The following INPP4B variants were observed in gnomAD, a reference collection of about 807,000 sequenced individuals.
INPP4B encodes the protein inositol polyphosphate-4-phosphatase type II B.
A neutral mutation model predicts 122.5 loss-of-function variants in INPP4B; 55 were observed. The ratio of observed to expected loss-of-function variants is 0.45; its 90% CI spans 0.36 to 0.56. The LOEUF is 0.56. Ranked by LOEUF, INPP4B falls within the 20% of genes least tolerant of loss-of-function variation. The pLI is 0.00. For missense variants in INPP4B, 1,000 were observed against 1,097.7 expected (o/e 0.91, Z 1.26); for synonymous variants, 403 against 388.7 (o/e 1.04, Z -0.43).
chr4:142,226,139 G>T (rs934991755), intron 12 of INPP4B, among the ~76,000 whole-genome samples: 9 of 152,114 alleles, frequency 5.9e-5, no homozygotes, highest in Non-Finnish European at 1.3e-4. Flanking sequence ...TTTTACTGGT[G>T]GTAGTTTGGC....
chr4:142,456,746 G>A (rs569995124), intron 3 of INPP4B, among the ~76,000 whole-genome samples: 1 of 152,064 alleles, frequency 6.6e-6, no homozygotes, highest in African/African-American at 2.4e-5. Context: ...ACTCATTATT[G>A]GTAAAAGGTC....
intron 12 of INPP4B, among the ~76,000 whole-genome samples, chr4:142,213,547 C>T (rs1357964639): frequency 1.3e-5 from 2 of 152,120 alleles, no homozygotes; most frequent in Non-Finnish European, 2.9e-5. Context: ...ACAATGTCCA[C>T]CTGGTAGTAG....
At chr4:142,264,160 A>G (rs1741654256) in intron 10 of INPP4B, among the ~76,000 whole-genome samples, 1 of 152,134 alleles carries the variant, frequency 6.6e-6, no homozygotes, top group Admixed American at 6.5e-5. Context: ...TTGAAAATAG[A>G]CTGATATAGT....
At chr4:142,458,293 G>A (rs530235099) in intron 3 of INPP4B, among the ~76,000 whole-genome samples, 12 of 152,156 alleles carry the variant, frequency 7.9e-5, no homozygotes, top group African/African-American at 2.4e-4. Flanking sequence ...GACCATAAAT[G>A]GACAGGAAGA....
chr4:142,734,738 C>T (rs893905985), intron 1 of INPP4B, among the ~76,000 whole-genome samples: 1 of 152,126 alleles, frequency 6.6e-6, no homozygotes, highest in Admixed American at 6.5e-5. Context: ...CTCCGCCTCC[C>T]GGGATCGAGC....
chr4:142,524,125 C>T (rs1278612422), intron 2 of INPP4B, among the ~76,000 whole-genome samples: 1 of 151,842 alleles, frequency 6.6e-6, no homozygotes, highest in East Asian at 1.9e-4. Context: ...CATATGTGTG[C>T]ATGTGTCTTT....
At chr4:142,302,062 C>T (rs1175591499) in intron 9 of INPP4B, among the ~76,000 whole-genome samples, 1 of 152,102 alleles carries the variant, frequency 6.6e-6, no homozygotes, top group East Asian at 1.9e-4. Flanking sequence ...GTTGGTAGAG[C>T]AAAGGATTGT....
At chr4:142,192,552 A>G (rs13107112) in intron 15 of INPP4B, among the ~76,000 whole-genome samples, 1 of 152,156 alleles carries the variant, frequency 6.6e-6, no homozygotes, top group Non-Finnish European at 1.5e-5. Context: ...GCATGTAAAA[A>G]CAAAAACTGG....
chr4:142,231,455 A>C (rs966718507), intron 12 of INPP4B, among the ~76,000 whole-genome samples: 3 of 152,252 alleles, frequency 2.0e-5, no homozygotes, highest in African/African-American at 7.2e-5. Flanking sequence ...AATATACTTT[A>C]ATGTTATGAG....
chr4:142,200,475 G>T (rs1162418233), intron 14 of INPP4B, among the ~76,000 whole-genome samples: 1 of 151,892 alleles, frequency 6.6e-6, no homozygotes, highest in Non-Finnish European at 1.5e-5. Flanking sequence ...CCTTTCATTA[G>T]CTAGGACTAG....
At chr4:142,826,963 G>A (rs949873709) in intron 1 of INPP4B, among the ~76,000 whole-genome samples, 25 of 152,076 alleles carry the variant, frequency 1.6e-4, no homozygotes, top group African/African-American at 5.6e-4. Context: ...GGTGCCTTTC[G>A]GTAGCCCCTA....
intron 11 of INPP4B, among the ~76,000 whole-genome samples, chr4:142,256,351 A>G (rs368591461): frequency 2.0e-5 from 3 of 151,098 alleles, no homozygotes; most frequent in Admixed American, 6.6e-5. Flanking sequence ...AAATAACTAA[A>G]ATCAGAGCAG....
intron 2 of INPP4B, among the ~76,000 whole-genome samples, chr4:142,693,041 G>T (rs916313228): frequency 6.6e-6 from 1 of 151,550 alleles, no homozygotes; most frequent in Non-Finnish European, 1.5e-5. Context: ...ACAGAAAAAG[G>T]TGCCACATGT....
chr4:142,254,077 AC>A (rs1226616759), intron 11 of INPP4B, among the ~76,000 whole-genome samples: 2 of 151,720 alleles, frequency 1.3e-5, no homozygotes, highest in Non-Finnish European at 2.9e-5. Flanking sequence ...ACTGGGAGGC[AC>A]CCCCCAGCAG....
At position 142,024,223 on chromosome 4, in the gene INPP4B, T is replaced by G. The variant is rs1736324913; in HGVS notation, c.*4559A>C. ...GGTGGCATCTCTGTGAACGCAGAGCTCTAAATTAAAACTGCCAAAGCAACA... is the reference window on the plus strand; with the variant it reads ...GGTGGCATCTCTGTGAACGCAGAGCGCTAAATTAAAACTGCCAAAGCAACA... On this transcript the variant is annotated 3_prime_UTR_variant, in exon 26 of 26. Coordinates refer to ENST00000262992, the MANE Select transcript of INPP4B (RefSeq NM_001101669.3). The G allele has an allele frequency of 6.6e-6, 1 of 152,174 alleles. No homozygotes were observed. Among genetic ancestry groups the G allele is most frequent in the African/African-American group, 2.4e-5 (1 of 41,454 alleles). The allele number at this position is 152,174 out of a possible 1,614,324, so 9.4% of individuals were successfully genotyped here.
chr4:142,065,992 A>G (rs764564159), intron 25 of INPP4B, among the ~76,000 whole-genome samples: 12 of 152,188 alleles, frequency 7.9e-5, no homozygotes, highest in South Asian at 2.1e-4. Context: ...GATTTTTGGG[A>G]AGCTTCATGA....
chr4:142,572,929 C>A (rs1054165206), intron 2 of INPP4B, among the ~76,000 whole-genome samples: 1 of 151,228 alleles, frequency 6.6e-6, no homozygotes, highest in Non-Finnish European at 1.5e-5. Flanking sequence ...AAATATATAT[C>A]CTTCTCTCCC....
chr4:142,531,708 T>C (rs945957057), intron 2 of INPP4B, among the ~76,000 whole-genome samples: 1 of 152,118 alleles, frequency 6.6e-6, no homozygotes, highest in African/African-American at 2.4e-5. Context: ...GTGAAGGTCA[T>C]ATTTGCTGTC....
chr4:142,285,741 T>C (rs1579596387), intron 9 of INPP4B, among the ~76,000 whole-genome samples: 1 of 151,356 alleles, frequency 6.6e-6, no homozygotes, highest in South Asian at 2.1e-4. Context: ...GACAGAGAGG[T>C]AGAAGGATGA....
Sources: allele counts gnomAD v4.1 joint callset (sites outside exome capture counted in the v4.1 genomes callset), GRCh38; gene constraint gnomAD v4.1.1; transcripts MANE v1.5; gene names NCBI Gene and HGNC (gene_info 2026-07-23, HGNC 2026-07-21).